Variants in GARIN5A observed in about 807,000 individuals in gnomAD.
The protein encoded by GARIN5A is Golgi-associated RAB2 interactor protein 5A.
the GARIN5A span, chr19:50,476,827 A>C: frequency 1.9e-6 from 1 of 524,418 alleles, no homozygotes; most frequent in East Asian, 3.5e-5. Context: ...GGGCCTCGCC[A>C]GTGCACCGGG....
At chr19:50,471,314 G>C in the GARIN5A span, among the ~76,000 whole-genome samples, 1 of 151,572 alleles carries the variant, frequency 6.6e-6, no homozygotes, top group Non-Finnish European at 1.5e-5. Flanking sequence ...TTGTCACCCA[G>C]GCTGGAGTGC....
chr19:50,467,643 C>G, the GARIN5A span: 3 of 1,571,188 alleles, frequency 1.9e-6, no homozygotes, highest in East Asian at 4.7e-5. Flanking sequence ...GCGTGAAGGG[C>G]ACAGCAGAAG....
the GARIN5A span, among the ~76,000 whole-genome samples, chr19:50,473,355 CTCTCTT>C: frequency 6.6e-6 from 1 of 151,988 alleles, no homozygotes; most frequent in East Asian, 1.9e-4. Context: ...TCTTTCTTCC[CTCTCTT>C]TCTTTCTTTT....
the GARIN5A span, chr19:50,467,771 C>T: frequency 4.3e-6 from 7 of 1,611,578 alleles, no homozygotes; most frequent in African/African-American, 4.0e-5. Flanking sequence ...AACTTGACCT[C>T]GAGCTGACAC....
At chr19:50,476,663 G>A in the GARIN5A span, 1 of 1,511,752 alleles carries the variant, frequency 6.6e-7, no homozygotes, top group Non-Finnish European at 8.8e-7. Flanking sequence ...CGAGGGGTGA[G>A]TGCTCTTTAG....
At chr19:50,476,135 A>G in the GARIN5A span, 1 of 1,613,314 alleles carries the variant, frequency 6.2e-7, no homozygotes, top group Non-Finnish European at 8.5e-7. Context: ...CTCACCTGCC[A>G]TCCCACCTGG....
the GARIN5A span, among the ~76,000 whole-genome samples, chr19:50,472,730 CAAAAAAATACA>C: frequency 1.3e-5 from 2 of 151,392 alleles, no homozygotes; most frequent in Non-Finnish European, 2.9e-5. Context: ...CCTGTCTCTA[CAAAAAAATACA>C]AAAATTAGCC....
the GARIN5A span, chr19:50,475,784 T>A: frequency 2.9e-6 from 4 of 1,367,542 alleles, no homozygotes; most frequent in Non-Finnish European, 4.2e-6. Flanking sequence ...CAGGAGGAGG[T>A]CGAGGGGCAG....
the GARIN5A span, chr19:50,467,516 T>G: frequency 3.0e-6 from 4 of 1,327,884 alleles, no homozygotes; most frequent in Non-Finnish European, 4.1e-6. Flanking sequence ...ACCTCCCCTC[T>G]GCCCTCTGCT....
the GARIN5A span, chr19:50,476,495 C>T: frequency 3.2e-6 from 5 of 1,573,152 alleles, no homozygotes; most frequent in East Asian, 7.0e-5. Context: ...CCGGCGTGCT[C>T]CGCGGCTCTT....
At chr19:50,476,536 G>C in the GARIN5A span, 1 of 1,571,352 alleles carries the variant, frequency 6.4e-7, no homozygotes, top group Non-Finnish European at 8.6e-7. Flanking sequence ...CTGGTGGGAA[G>C]AAGCCGAGAT....
the GARIN5A span, among the ~76,000 whole-genome samples, chr19:50,469,248 C>T: frequency 2.6e-5 from 4 of 152,180 alleles, no homozygotes; most frequent in Non-Finnish European, 5.9e-5. Context: ...ACAGATGGTT[C>T]CCTCCACCTG....
the GARIN5A span, among the ~76,000 whole-genome samples, chr19:50,472,234 A>ATG: frequency 9.8e-5 from 7 of 71,752 alleles, no homozygotes; most frequent in South Asian, 5.0e-4. Flanking sequence ...ATATACATGT[A>ATG]TGTGTGTATT....
At chr19:50,472,084 G>GTGTATA in the GARIN5A span, among the ~76,000 whole-genome samples, 5 of 92,814 alleles carry the variant, frequency 5.4e-5, no homozygotes, top group Non-Finnish European at 1.2e-4. Flanking sequence ...ATATACATGT[G>GTGTATA]TGTATATGTA....
At chr19:50,471,938 G>A in the GARIN5A span, among the ~76,000 whole-genome samples, 1 of 138,910 alleles carries the variant, frequency 7.2e-6, no homozygotes, top group East Asian at 2.4e-4. Flanking sequence ...ATGTATGTGT[G>A]TAAGTATATA....
chr19:50,471,633 C>A, the GARIN5A span, among the ~76,000 whole-genome samples: 2 of 151,502 alleles, frequency 1.3e-5, no homozygotes, highest in African/African-American at 2.4e-5. Flanking sequence ...TGTGTGTATA[C>A]ATGTGTGTAT....
chr19:50,476,270 A>C, the GARIN5A span: 6 of 1,609,244 alleles, frequency 3.7e-6, no homozygotes, highest in Non-Finnish European at 4.2e-6. Flanking sequence ...GACTACGCGC[A>C]CTGTGACGTC....
At chr19:50,475,279 T>C in the GARIN5A span, 1 of 1,530,932 alleles carries the variant, frequency 6.5e-7, no homozygotes, top group Non-Finnish European at 8.8e-7. Flanking sequence ...CTCAGGTGCC[T>C]GGAGCTGAGG....
the GARIN5A span, chr19:50,475,337 A>C: frequency 6.3e-7 from 1 of 1,595,218 alleles, no homozygotes; most frequent in Non-Finnish European, 8.6e-7. Context: ...GAAGAGTTGC[A>C]GGTGTCCGTT....
Sources: allele counts gnomAD v4.1 joint callset (sites outside exome capture counted in the v4.1 genomes callset), GRCh38; gene constraint gnomAD v4.1.1; transcripts MANE v1.5; gene names NCBI Gene and HGNC (gene_info 2026-07-23, HGNC 2026-07-21).